TAF6: variants seen among roughly 807,000 people sequenced by gnomAD.
TAF6 encodes transcription initiation factor TFIID subunit 6.
In TAF6, 50 loss-of-function variants were observed where a neutral mutation model predicts 73.5. The observed-to-expected ratio is 0.68, with a 90% CI of 0.54 to 0.86. The LOEUF (loss-of-function observed/expected upper bound fraction) is 0.86. Among genes scored for constraint, TAF6 ranks in the 40% least tolerant of loss-of-function variants. The pLI is 0.00. For missense variants in TAF6, 768 were observed against 899.5 expected, an observed-to-expected ratio of 0.85 and a Z score of 1.87; for synonymous variants, 424 against 376.7, an observed-to-expected ratio of 1.13 and a Z score of -1.45.
chr7:100,119,878 A>G, upstream of TAF6: 1 of 1,595,510 alleles, frequency 6.3e-7, no homozygotes, highest in Non-Finnish European at 8.5e-7. Flanking sequence ...TGAAGGGGGT[A>G]GCCCCTATAG....
In TAF6 at chr7:100,119,328, C is replaced by T; in HGVS notation, c.-184G>A. 1 of 1,034,594 alleles carries T rather than the reference C, an allele frequency of 9.7e-7. No homozygotes were observed. Among genetic ancestry groups the T allele is most frequent in the Non-Finnish European group, 1.2e-6 (1 of 859,338 alleles). The allele number at this position is 1,034,594 out of a possible 1,614,324, so 64.1% of individuals were successfully genotyped here. A position where few individuals can be genotyped will look rare whatever the true frequency, so the allele number is the denominator to read the frequency against. ...CTAGCGGCAGCCGAGACGCTGCTCA[C>T]CCGGCGCTCGGCGCCATCTTGGCCC... On this transcript the variant is annotated 5_prime_UTR_variant, in exon 1 of 15. In the 5' UTR this introduces an upstream ATG that the reference lacks. Coordinates refer to ENST00000453269, the MANE Select transcript of TAF6 (RefSeq NM_139315.3).
At chr7:100,125,471 C>A in the TAF6 span, 1 of 152,212 alleles carries the variant, frequency 6.6e-6, no homozygotes, top group Admixed American at 6.5e-5. Flanking sequence ...GCTCAATTTT[C>A]TATATCGCTA....
At chr7:100,120,568 CAGTATCA>C (rs937822847), upstream of TAF6, among the ~76,000 whole-genome samples, 2 of 152,174 alleles carry the variant, frequency 1.3e-5, no homozygotes, top group African/African-American at 4.8e-5. Flanking sequence ...AACTGTATTC[CAGTATCA>C]TGAAAGGCAG....
intron 1 of TAF6, among the ~76,000 whole-genome samples, chr7:100,114,727 A>T (rs1297871686): frequency 6.6e-6 from 1 of 151,618 alleles, no homozygotes; most frequent in Non-Finnish European, 1.5e-5. Flanking sequence ...AAAAAAAAAA[A>T]ATCTGGACTG....
At chr7:100,119,078 G>A (rs948195907) in intron 1 of TAF6, 126 bp downstream of exon 1, 33 of 986,376 alleles carry the variant, frequency 3.3e-5, no homozygotes, top group Non-Finnish European at 3.9e-5. Flanking sequence ...GATCCCAGCA[G>A]AGAAGCAGGT....
In TAF6 at chr7:100,113,397, G is replaced by A. The variant is rs748264378; in HGVS notation, c.406C>T (p.Leu136=). The change falls in exon 5 of 15, where the codon CTG becomes TTG. Residue 136 remains leucine, a synonymous_variant. Transcript: ENST00000453269. ...PLDVCLKAHW[L]SIEGCQPAIP... ...GCTGGCTGGCAGCCCTCGATGCTCAGCCAATGAGCTGCAAGGAAGGCAGGT... is the reference window on the plus strand; with the variant it reads ...GCTGGCTGGCAGCCCTCGATGCTCAACCAATGAGCTGCAAGGAAGGCAGGT... 6.3e-7 allele frequency: 1 copy of A among 1,592,430 alleles called. No individual in the cohort carries two copies. The highest frequency in any genetic ancestry group is 8.6e-7 in the Non-Finnish European group (1 of 1,169,218).
chr7:100,119,451 A>C, upstream of TAF6: 3 of 1,305,134 alleles, frequency 2.3e-6, no homozygotes, highest in Non-Finnish European at 2.9e-6. Context: ...GAATGAAATT[A>C]TATTTTAAAA....
At chr7:100,114,797 T>G (rs971244262) in intron 1 of TAF6, among the ~76,000 whole-genome samples, 4 of 151,602 alleles carry the variant, frequency 2.6e-5, no homozygotes, top group Non-Finnish European at 4.4e-5. Context: ...GGAGGATCGC[T>G]TGAGCCCAGC....
At chr7:100,111,659 C>T in intron 9 of TAF6, 69 bp downstream of exon 9, 3 of 1,522,378 alleles carry the variant, frequency 2.0e-6, no homozygotes, top group Non-Finnish European at 2.7e-6. Context: ...CCACTGCTGA[C>T]CACTGACTTC....
chr7:100,112,720 C>G, intron 6 of TAF6, 78 bp downstream of exon 6: 1 of 1,460,442 alleles, frequency 6.8e-7, no homozygotes, highest in South Asian at 1.4e-5. Context: ...GTCTCAAAAA[C>G]AAAAAAAAAG....
At chr7:100,111,612 T>C in intron 9 of TAF6, 116 bp downstream of exon 9, 1 of 1,117,864 alleles carries the variant, frequency 8.9e-7, no homozygotes, top group Non-Finnish European at 1.3e-6. Context: ...ATCCTCCCAC[T>C]TCGGCCTCCC....
Position 100,107,570 on chromosome 7 carries a change from G to T in TAF6, c.1710C>A (p.Pro570=). 6.2e-7 allele frequency: 1 copy of T among 1,613,916 alleles called. No homozygotes were observed. Among genetic ancestry groups the T allele is most frequent in the Non-Finnish European group, 8.5e-7 (1 of 1,179,946 alleles). ...APGSGSTTTS[P]VTTTVPSVQP... ...GCACGCTGGGGACGGTGGTGGTGAC[G>T]GGCGAAGTGGTGGTGGAACCTGAGC... The change falls in exon 15 of 15, where the codon CCC becomes CCA. Residue 570 remains proline (P), a synonymous_variant. Coordinates refer to ENST00000453269, the MANE Select transcript of TAF6 (RefSeq NM_139315.3).
At chr7:100,114,485 C>T in intron 1 of TAF6, 14 of 611,704 alleles carry the variant, frequency 2.3e-5, no homozygotes, top group South Asian at 1.2e-4. Flanking sequence ...TTTGGGAGGA[C>T]GAGGCGGGCG....
chr7:100,108,910 G>C (rs368687217), intron 12 of TAF6: 2 of 171,912 alleles, frequency 1.2e-5, no homozygotes, highest in East Asian at 1.7e-4. Context: ...TGTAGTCCCA[G>C]CTACTGGGGA....
intron 10 of TAF6, 54 bp from the exon 11 acceptor site, chr7:100,110,328 A>G: frequency 1.3e-6 from 2 of 1,570,168 alleles, no homozygotes; most frequent in Admixed American, 3.3e-5. Context: ...GATGATTGAC[A>G]GGGACCTAAG....
chr7:100,111,591 G>A, intron 9 of TAF6, 137 bp downstream of exon 9: 1 of 974,686 alleles, frequency 1.0e-6, no homozygotes. Flanking sequence ...TCAAACTCCT[G>A]AGCTCAAGCA....
upstream of TAF6, chr7:100,121,116 A>ATAT (rs1584585316): frequency 7.6e-5 from 4 of 52,774 alleles, no homozygotes; most frequent in African/African-American, 2.9e-4. Context: ...ATATATATAT[A>ATAT]TTTTTTTTTT....
chr7:100,118,812 C>A, intron 1 of TAF6: 4 of 980,630 alleles, frequency 4.1e-6, no homozygotes, highest in Non-Finnish European at 4.8e-6. Context: ...TCTTTTCAAA[C>A]CATCCCTGAT....
At chr7:100,111,462 C>A in intron 9 of TAF6, 141 bp from the exon 10 acceptor site, 1 of 1,087,878 alleles carries the variant, frequency 9.2e-7, no homozygotes, top group South Asian at 1.6e-5. Context: ...AAGCAATTCT[C>A]CCATCTCAGC....
Sources: allele counts gnomAD v4.1 joint callset (sites outside exome capture counted in the v4.1 genomes callset), GRCh38; gene constraint gnomAD v4.1.1; transcripts MANE v1.5; gene names NCBI Gene and HGNC (gene_info 2026-07-23, HGNC 2026-07-21).